The following BLTP1 variants were observed in gnomAD, a reference collection of about 807,000 sequenced individuals.
BLTP1 encodes the protein bridge-like lipid transfer protein family member 1.
At chr4:122,362,320 T>C in the BLTP1 span, 2 of 1,116,824 alleles carry the variant, frequency 1.8e-6, no homozygotes, top group South Asian at 3.0e-5. Context: ...TTTAGTATAA[T>C]AATTTGAAAT....
the BLTP1 span, chr4:122,336,583 C>T: frequency 1.3e-6 from 1 of 787,082 alleles, no homozygotes; most frequent in African/African-American, 5.4e-5. Context: ...TAGTTAATGA[C>T]AAAATTAACA....
the BLTP1 span, among the ~76,000 whole-genome samples, chr4:122,222,240 T>C: frequency 6.6e-6 from 1 of 152,186 alleles, no homozygotes; most frequent in African/African-American, 2.4e-5. Context: ...TCTGTCGTTA[T>C]ACTATCTAAT....
chr4:122,355,792 G>A, the BLTP1 span: 1 of 1,589,050 alleles, frequency 6.3e-7, no homozygotes, highest in Non-Finnish European at 8.6e-7. Flanking sequence ...CATTATGCAT[G>A]TAGAGCTAAA....
the BLTP1 span, among the ~76,000 whole-genome samples, chr4:122,211,757 A>G: frequency 1.3e-5 from 2 of 152,148 alleles, no homozygotes; most frequent in East Asian, 1.9e-4. Flanking sequence ...ATGATTATGA[A>G]GAGAGGCTAT....
At chr4:122,170,023 C>A in the BLTP1 span, 1 of 983,496 alleles carries the variant, frequency 1.0e-6, no homozygotes, top group Admixed American at 6.2e-5. Flanking sequence ...AAAGAATAAT[C>A]ACGCTGGGCG....
the BLTP1 span, chr4:122,175,760 C>G: frequency 1.2e-6 from 1 of 810,214 alleles, no homozygotes; most frequent in Non-Finnish European, 2.1e-6. Context: ...TTTCCTTGTT[C>G]ATTATCAATT....
At chr4:122,334,969 G>C in the BLTP1 span, among the ~76,000 whole-genome samples, 1 of 151,974 alleles carries the variant, frequency 6.6e-6, no homozygotes, top group African/African-American at 2.4e-5. Context: ...AGGTTCTGCT[G>C]ATCAGAAATG....
the BLTP1 span, among the ~76,000 whole-genome samples, chr4:122,269,221 G>A: frequency 6.6e-6 from 1 of 150,832 alleles, no homozygotes; most frequent in Non-Finnish European, 1.5e-5. Flanking sequence ...ATATAACTAG[G>A]TTATATATAA....
the BLTP1 span, chr4:122,209,896 A>G: frequency 6.2e-6 from 10 of 1,613,558 alleles, no homozygotes; most frequent in African/African-American, 2.7e-5. Context: ...TTTATCCACA[A>G]AAAGCAGATG....
the BLTP1 span, chr4:122,328,239 T>C: frequency 6.2e-7 from 1 of 1,611,338 alleles, no homozygotes; most frequent in South Asian, 1.1e-5. Flanking sequence ...AGGCATTCCT[T>C]TCCAAACTGA....
the BLTP1 span, chr4:122,183,109 G>C: frequency 1.3e-6 from 1 of 748,924 alleles, no homozygotes; most frequent in African/African-American, 1.9e-5. Context: ...GCCTAAGTGG[G>C]AGGATTGCTT....
chr4:122,226,112 T>C, the BLTP1 span: 1 of 152,352 alleles, frequency 6.6e-6, no homozygotes, highest in Admixed American at 6.5e-5. Context: ...TTAAATTATG[T>C]ACTTATTTGA....
At chr4:122,315,450 T>C in the BLTP1 span, 8 of 1,613,670 alleles carry the variant, frequency 5.0e-6, no homozygotes, top group Non-Finnish European at 6.8e-6. Flanking sequence ...TGCAACTTCT[T>C]TATTTAAACA....
At chr4:122,337,110 G>C in the BLTP1 span, 1 of 1,235,338 alleles carries the variant, frequency 8.1e-7, no homozygotes, top group Non-Finnish European at 1.2e-6. Context: ...CTGTTTAAAA[G>C]TTTTCTTAAC....
At chr4:122,246,199 A>G in the BLTP1 span, 4 of 1,608,100 alleles carry the variant, frequency 2.5e-6, no homozygotes, top group Non-Finnish European at 3.4e-6. Context: ...AGCAGTCTAC[A>G]ATAGGAACGA....
chr4:122,260,095 A>G, the BLTP1 span: 2 of 184,554 alleles, frequency 1.1e-5, no homozygotes, highest in South Asian at 3.7e-4. Context: ...AGATGATGGT[A>G]CAGCCTACTA....
At chr4:122,218,323 G>T in the BLTP1 span, among the ~76,000 whole-genome samples, 1 of 152,010 alleles carries the variant, frequency 6.6e-6, no homozygotes, top group East Asian at 1.9e-4. Flanking sequence ...GTATTATAAA[G>T]ACAGTTATTA....
At chr4:122,345,562 T>C in the BLTP1 span, among the ~76,000 whole-genome samples, 2 of 145,068 alleles carry the variant, frequency 1.4e-5, no homozygotes, top group African/African-American at 4.9e-5. Flanking sequence ...ATAGAGAGGC[T>C]AGAGGTAAAG....
the BLTP1 span, chr4:122,305,950 TC>T: frequency 6.2e-7 from 1 of 1,612,326 alleles, no homozygotes; most frequent in Admixed American, 1.7e-5. Context: ...AGAAATGCCC[TC>T]CGAGAAGAAA....
Sources: allele counts gnomAD v4.1 joint callset (sites outside exome capture counted in the v4.1 genomes callset), GRCh38; gene constraint gnomAD v4.1.1; transcripts MANE v1.5; gene names NCBI Gene and HGNC (gene_info 2026-07-23, HGNC 2026-07-21).